NEDD4L: variants seen among roughly 807,000 people sequenced by gnomAD.
The protein encoded by NEDD4L is NEDD4 like E3 ubiquitin protein ligase, also known as E3 ubiquitin-protein ligase NEDD4-like.
In NEDD4L, 54 loss-of-function variants were observed where a neutral mutation model predicts 148.9. That is an observed-to-expected ratio of 0.36 (90% CI 0.29 to 0.45). NEDD4L has a LOEUF of 0.45. NEDD4L is among the 20% of genes least tolerant of loss of function. The pLI, the probability that NEDD4L is intolerant of heterozygous loss-of-function variation, is 1.00. For synonymous variants in NEDD4L, 433 were observed against 440.7 expected, an observed-to-expected ratio of 0.98 and a Z score of 0.22; for missense variants, 856 against 1,233.8, an observed-to-expected ratio of 0.69 and a Z score of 4.59.
At chr18:58,187,298 G>A (rs2039582878) in intron 2 of NEDD4L, among the ~76,000 whole-genome samples, 2 of 152,162 alleles carry the variant, frequency 1.3e-5, no homozygotes, top group Non-Finnish European at 2.9e-5. Context: ...TCTGGGCATT[G>A]GCTTTCTGCA....
intron 5 of NEDD4L, among the ~76,000 whole-genome samples, chr18:58,268,732 A>G (rs1380367744): frequency 6.6e-6 from 1 of 152,090 alleles, no homozygotes; most frequent in African/African-American, 2.4e-5. Flanking sequence ...AGAAATAGAC[A>G]TCATGCTTTG....
chr18:58,314,345 A>T (rs959468486), intron 5 of NEDD4L, among the ~76,000 whole-genome samples: 2 of 151,038 alleles, frequency 1.3e-5, no homozygotes, highest in Admixed American at 6.6e-5. Flanking sequence ...TTAACCCAGG[A>T]GGCGGAGGTT....
intron 2 of NEDD4L, among the ~76,000 whole-genome samples, chr18:58,217,694 T>C (rs774232796): frequency 2.0e-5 from 3 of 152,188 alleles, no homozygotes; most frequent in Non-Finnish European, 4.4e-5. Context: ...GATTTAGATA[T>C]TGGAAAAGAT....
At chr18:58,249,902 T>G (rs1234970173) in intron 4 of NEDD4L, among the ~76,000 whole-genome samples, 1 of 152,224 alleles carries the variant, frequency 6.6e-6, no homozygotes. Flanking sequence ...ACCAGATGTA[T>G]TTGAAATTAC....
At chr18:58,048,859 G>C (rs1243613170) in intron 1 of NEDD4L, among the ~76,000 whole-genome samples, 2 of 152,160 alleles carry the variant, frequency 1.3e-5, no homozygotes, top group East Asian at 1.9e-4. Flanking sequence ...ACTACTTTCT[G>C]TTGTCTTAGG....
intron 5 of NEDD4L, among the ~76,000 whole-genome samples, chr18:58,291,723 TAATTA>T (rs1467486935): frequency 6.6e-6 from 1 of 152,226 alleles, no homozygotes; most frequent in Non-Finnish European, 1.5e-5. Flanking sequence ...TAGATGAAAC[TAATTA>T]AGGACAAAAC....
At chr18:58,053,401 C>T (rs557709754) in intron 1 of NEDD4L, among the ~76,000 whole-genome samples, 10 of 152,196 alleles carry the variant, frequency 6.6e-5, no homozygotes, top group Admixed American at 1.3e-4. Context: ...CTCTGCCTCC[C>T]GGGTTCACGC....
intron 23 of NEDD4L, 47 bp downstream of exon 23, chr18:58,370,514 C>A: frequency 8.0e-7 from 1 of 1,254,550 alleles, no homozygotes; most frequent in South Asian, 1.2e-5. Context: ...GCACTCGTGT[C>A]TTATGAGAAG....
intron 1 of NEDD4L, among the ~76,000 whole-genome samples, chr18:58,062,813 C>T (rs1172261877): frequency 3.3e-5 from 5 of 151,986 alleles, no homozygotes; most frequent in Non-Finnish European, 7.4e-5. Context: ...ACGGTGAAAC[C>T]CCGTCTCTGC....
At chr18:58,306,849 T>C (rs913937178) in intron 5 of NEDD4L, among the ~76,000 whole-genome samples, 1 of 152,124 alleles carries the variant, frequency 6.6e-6, no homozygotes, top group Admixed American at 6.6e-5. Flanking sequence ...GGCCAGGCTG[T>C]TCTCGAACTC....
rs1049761242 is a variant in NEDD4L, at chr18:58,225,488, C to T, written c.123-19939C>T. ...TTAAATTTCCTTTTTGTTATGCTTG[C>T]GCACATCTATATTTGGCTTTGCTTC... On this transcript the variant is annotated intron_variant, in intron 2 of 30. Transcript: ENST00000400345. Among the ~76,000 whole-genome samples the T allele has an allele frequency of 5.3e-5, 8 of 152,174 alleles. No homozygotes were observed. The East Asian group carries it at 9.6e-4, about 18-fold the overall frequency.
intron 1 of NEDD4L, among the ~76,000 whole-genome samples, chr18:58,143,354 A>G (rs2033757840): frequency 6.6e-6 from 1 of 152,216 alleles, no homozygotes; most frequent in African/African-American, 2.4e-5. Flanking sequence ...TATTCTGTCA[A>G]AAATGTTGAG....
intron 2 of NEDD4L, among the ~76,000 whole-genome samples, chr18:58,219,388 C>G (rs755451799): frequency 3.0e-4 from 45 of 152,304 alleles, no homozygotes; most frequent in South Asian, 6.2e-4. Flanking sequence ...TTAGAAATGT[C>G]AATTGTCTCA....
chr18:58,050,615 G>A (rs1009417190), intron 1 of NEDD4L, among the ~76,000 whole-genome samples: 2 of 152,056 alleles, frequency 1.3e-5, no homozygotes, highest in African/African-American at 4.8e-5. Context: ...ACAAAAATTA[G>A]CTGGGCTTGG....
At chr18:58,097,796 C>CT (rs2084511138) in intron 1 of NEDD4L, among the ~76,000 whole-genome samples, 1 of 152,176 alleles carries the variant, frequency 6.6e-6, no homozygotes, top group Non-Finnish European at 1.5e-5. Context: ...CTTTGGGAGA[C>CT]TCAGGCTGGA....
intron 1 of NEDD4L, among the ~76,000 whole-genome samples, chr18:58,088,616 A>G (rs563600603): frequency 1.3e-5 from 2 of 152,354 alleles, no homozygotes; most frequent in South Asian, 4.1e-4. Flanking sequence ...TGAAAGGAAC[A>G]TATAAACTTC....
intron 2 of NEDD4L, among the ~76,000 whole-genome samples, chr18:58,196,710 C>CTT (rs544883000): frequency 7.5e-4 from 86 of 114,402 alleles, no homozygotes; most frequent in East Asian, 1.1e-3. Context: ...CTCTCTCTCT[C>CTT]TTTTTTTTTT....
chr18:58,367,783 C>G lies in NEDD4L; in HGVS notation c.2101C>G (p.Leu701Val). Residue 701 changes from leucine (L) to valine (V), a missense_variant, in exon 22 of 31, where the codon CTC becomes GTC. Leu to Val is a conservative substitution (Grantham distance 32). Around this residue, in one of 4 missense-constraint regions of NEDD4L, gnomAD observed 286 missense variants for 531.8 expected, o/e 0.54. Transcript: ENST00000400345. ...YTLQINPNSG[L>V]CNEDHLSYFT... ...CCTTCAGATCAACCCTAATTCAGGC[C>G]TCTGTAATGAGGATCATTTGTCCTA... is the stretch of plus-strand genomic sequence containing the variant. 6.2e-7 allele frequency: 1 copy of G among 1,613,584 alleles called. No homozygotes were observed. The highest frequency in any genetic ancestry group is 8.5e-7 in the Non-Finnish European group (1 of 1,179,534).
At chr18:58,367,123 A>G (rs897938912) in intron 21 of NEDD4L, 11 of 152,246 alleles carry the variant, frequency 7.2e-5, no homozygotes, top group African/African-American at 2.4e-4. Flanking sequence ...TTTCAAAGAT[A>G]CCCCCACCCC....
Sources: gnomAD v4.1 joint callset for allele counts (sites outside exome capture counted in the v4.1 genomes callset) on GRCh38, gnomAD v4.1.1 for gene constraint, gnomAD v4.1.1 regional missense constraint, MANE v1.5 for transcripts, NCBI Gene and HGNC (gene_info 2026-07-23, HGNC 2026-07-21) for gene names.